BSND: variants seen among roughly 807,000 people sequenced by gnomAD.
BSND encodes the protein barttin CLCNK type accessory subunit beta.
Under a neutral mutation model 18.8 loss-of-function variants are expected in BSND, and 13 were observed. The observed-to-expected ratio is 0.69, with a 90% confidence interval of 0.45 to 1.10. The LOEUF is 1.10. Ranked by LOEUF, BSND falls within the 50% of genes least tolerant of loss-of-function variation. The pLI is 0.00. For missense variants in BSND, 379 were observed against 416.7 expected, an observed-to-expected ratio of 0.91 and a Z score of 0.79; for synonymous variants, 170 against 161.8, an observed-to-expected ratio of 1.05 and a Z score of -0.39.
chr1:55,007,096 C>T lies in BSND; in HGVS notation c.372C>T (p.Tyr124=). ...FSHIQMKVMS[Y]SEDHRSLLAP... ...ACATCCAGATGAAAGTCATGAGCTA[C>T]AGTGAGGACCACCGCTCCTTGCTGG... Residue 124 remains tyrosine (Y), a synonymous_variant, in exon 3 of 4, where the codon TAC becomes TAT. Coordinates refer to ENST00000651561, the MANE Select transcript of BSND (RefSeq NM_057176.3). The T allele has an allele frequency of 6.2e-7, 1 of 1,614,124 alleles. No homozygotes were observed. The highest frequency in any genetic ancestry group is 1.1e-5 in the South Asian group (1 of 91,076).
chr1:55,008,985 T>G lies in BSND; in HGVS notation c.*357T>G. On this transcript the variant is annotated 3_prime_UTR_variant, in exon 4 of 4. Coordinates refer to ENST00000651561, the MANE Select transcript of BSND (RefSeq NM_057176.3). The stretch of plus-strand genomic sequence containing the variant: ...GATCCTTTGTGAAGGCCAGTCAGGT[T>G]TCCCATTCCTATTGTGTCTTATAGT... 5.3e-6 allele frequency: 2 copies of G among 380,928 alleles called. No individual in the cohort carries two copies. The highest frequency in any genetic ancestry group is 2.2e-5 in the South Asian group (1 of 44,780). The allele number at this position is 380,928 out of a possible 1,614,324, so 23.6% of individuals were successfully genotyped here.
Position 55,014,570 on chromosome 1 carries a change from G to T in BSND, c.*5942G>T, listed in dbSNP as rs894675884. 1.9e-4 allele frequency among the ~76,000 whole-genome samples: 29 copies of T among 152,296 alleles called. No individual in the cohort carries two copies. The highest frequency in any genetic ancestry group is 5.5e-4 in the African/African-American group (23 of 41,568). ...TCAGGTGCCCATGTGCACCTGGGTC[G>T]TTCAAGCCTACAAGCACTGTGTCAT... is the stretch of plus-strand genomic sequence containing the variant. On this transcript the variant is annotated 3_prime_UTR_variant, in exon 4 of 4. Transcript: ENST00000651561.
Position 55,007,268 on chromosome 1 carries a change from C to T in BSND, c.544C>T (p.Pro182Ser). 2 of 1,602,352 alleles carry T rather than the reference C, an allele frequency of 1.2e-6. No homozygotes were observed. The highest frequency in any genetic ancestry group is 8.5e-7 in the Non-Finnish European group (1 of 1,172,236). Residue 182 changes from proline to serine, a missense_variant, in exon 3 of 4, where the codon CCC becomes TCC. By Grantham distance (74) the Pro-to-Ser change is moderately conservative. Transcript: ENST00000651561. ...GGAAAGACGCCTAACTCAGAGCTGG[C>T]CCGGGTGAGTGCTTAGAGGGCAGGA... is the stretch of plus-strand genomic sequence containing the variant. ...EGERRLTQSW[P>S]GPLACPQGPA...
chr1:55,007,327 G>A, intron 3 of BSND, 55 bp downstream of exon 3: 1 of 1,267,658 alleles, frequency 7.9e-7, no homozygotes, highest in Non-Finnish European at 1.1e-6. Flanking sequence ...GGTTAAAAAG[G>A]AGAGGAGTGG....
chr1:55,016,148 T>C lies in BSND; in HGVS notation c.*7520T>C, dbSNP rs147579524. ...GCTACAGTTTCCATGGAAGGAGGGC[T>C]TTGCAGTGCTGAGAGCTGCCCAAAG... On this transcript the variant is annotated 3_prime_UTR_variant, in exon 4 of 4. Coordinates refer to ENST00000651561, the MANE Select transcript of BSND (RefSeq NM_057176.3). Among the ~76,000 whole-genome samples the C allele has an allele frequency of 6.6e-6, 1 of 152,220 alleles. No homozygotes were observed. Among genetic ancestry groups the C allele is most frequent in the African/African-American group, 2.4e-5 (1 of 41,522 alleles).
intron 1 of BSND, among the ~76,000 whole-genome samples, chr1:55,003,180 G>A (rs1208157568): frequency 6.6e-6 from 1 of 151,220 alleles, no homozygotes; most frequent in African/African-American, 2.4e-5. Flanking sequence ...CATCCTTAAC[G>A]GGGGTGGAAG....
rs1301718857 is a variant in BSND at position 55,007,211 on chromosome 1, G to A, written c.487G>A (p.Val163Ile). ...DVQAWMEAAV[V>I]IHKGSDESEG... ...TCAGGCCTGGATGGAGGCTGCCGTG[G>A]TCATCCACAAGGGCTCAGACGAGAG... The change falls in exon 3 of 4, where the codon GTC (valine) becomes ATC (isoleucine). Residue 163 changes from valine (V) to isoleucine (I), a missense_variant. By Grantham distance (29) the Val-to-Ile change is conservative. Transcript: ENST00000651561. 1 of 1,613,948 alleles carries A rather than the reference G, an allele frequency of 6.2e-7. No homozygotes were observed. Among genetic ancestry groups the A allele is most frequent in the East Asian group, 2.2e-5 (1 of 44,880 alleles).
At chr1:54,999,518 C>CCCATCCATCCATCCATCCATCCAT (rs375479641) in intron 1 of BSND, among the ~76,000 whole-genome samples, 155 bp downstream of exon 1, 3 of 148,754 alleles carry the variant, frequency 2.0e-5, no homozygotes. Flanking sequence ...GAGCGTCTGT[C>CCCATCCATCCATCCATCCATCCAT]CCATCCATCC....
Position 55,012,531 on chromosome 1 carries a change from T to C in BSND, c.*3903T>C, listed in dbSNP as rs554727402. On this transcript the variant is annotated 3_prime_UTR_variant, in exon 4 of 4. Coordinates refer to ENST00000651561, the MANE Select transcript of BSND (RefSeq NM_057176.3). ...AGGATAATACCTCCCTCTTGGGCTT[T>C]TGTGGAGAAGAACTGGGTATAATGC... 3.3e-5 allele frequency among the ~76,000 whole-genome samples: 5 copies of C among 152,284 alleles called. No individual in the cohort carries two copies. Among genetic ancestry groups the C allele is most frequent in the Admixed American group, 3.3e-4 (5 of 15,298 alleles).
rs1300330444 is a variant in BSND, at chr1:55,013,359, C to T, written c.*4731C>T. 6.6e-6 allele frequency among the ~76,000 whole-genome samples: 1 copy of T among 152,094 alleles called. No homozygotes were observed. The highest frequency in any genetic ancestry group is 2.4e-5 in the African/African-American group (1 of 41,404). On this transcript the variant is annotated 3_prime_UTR_variant, in exon 4 of 4. Coordinates refer to ENST00000651561, the MANE Select transcript of BSND (RefSeq NM_057176.3). The stretch of plus-strand genomic sequence containing the variant: ...TGTATTTTTAATAGAGATGAGGTTT[C>T]ATCATGTTGGCCAGGCTGGTCTTGT...
At chr1:55,008,104 C>A (rs1644400637) in intron 3 of BSND, 110 bp from the exon 4 acceptor site, 2 of 863,694 alleles carry the variant, frequency 2.3e-6, no homozygotes, top group Non-Finnish European at 3.7e-6. Context: ...GAAACTGAGG[C>A]CCGGGAAGGT....
intron 3 of BSND, 25 bp from the exon 4 acceptor site, chr1:55,008,189 G>A (rs1644401185): frequency 1.2e-6 from 2 of 1,603,136 alleles, no homozygotes; most frequent in Non-Finnish European, 8.5e-7. Flanking sequence ...AGATACCCTT[G>A]CCCTTGTGGT....
At chr1:55,001,550 C>T (rs1452536889) in intron 1 of BSND, among the ~76,000 whole-genome samples, 1 of 152,156 alleles carries the variant, frequency 6.6e-6, no homozygotes, top group Non-Finnish European at 1.5e-5. Context: ...TCAGCCTCCT[C>T]CCCGTGGCTC....
chr1:55,015,654 T>G lies in BSND; in HGVS notation c.*7026T>G, dbSNP rs1388209511. On this transcript the variant is annotated 3_prime_UTR_variant, in exon 4 of 4. Coordinates refer to ENST00000651561, the MANE Select transcript of BSND (RefSeq NM_057176.3). ...TTCATTTGTTCACTTATTCATTTATTCTAACCACAAACACTATGCACCTGC... is the reference window on the plus strand; with the variant it reads ...TTCATTTGTTCACTTATTCATTTATGCTAACCACAAACACTATGCACCTGC... Among the ~76,000 whole-genome samples, 1 of 152,292 alleles carries G rather than the reference T, an allele frequency of 6.6e-6. No homozygotes were observed. Among genetic ancestry groups the G allele is most frequent in the East Asian group, 1.9e-4 (1 of 5,176 alleles).
chr1:54,999,826 C>T (rs1235888037), intron 1 of BSND, among the ~76,000 whole-genome samples: 1 of 152,180 alleles, frequency 6.6e-6, no homozygotes, highest in African/African-American at 2.4e-5. Context: ...AGCTCAGATG[C>T]GTGTGACTTA....
intron 1 of BSND, among the ~76,000 whole-genome samples, chr1:55,004,529 T>C (rs1447026800): frequency 1.3e-5 from 2 of 152,250 alleles, no homozygotes; most frequent in Non-Finnish European, 2.9e-5. Flanking sequence ...AGAGACCTCT[T>C]GATTCCTGAA....
chr1:55,016,420 A>G lies in BSND; in HGVS notation c.*7792A>G, dbSNP rs181389348. ...TGGCATCATTTTGTAAAGATGATGT[A>G]ATAAAGATAATAATAGGTGGAGCTG... On this transcript the variant is annotated 3_prime_UTR_variant, in exon 4 of 4. Coordinates refer to ENST00000651561, the MANE Select transcript of BSND (RefSeq NM_057176.3). Among the ~76,000 whole-genome samples the G allele has an allele frequency of 2.1e-3, 318 of 152,358 alleles. No individual in the cohort carries two copies. The highest frequency in any genetic ancestry group is 7.3e-3 in the African/African-American group (302 of 41,582).
rs192577434 is a variant in BSND at position 55,010,330 on chromosome 1, G to C, written c.*1702G>C. ...TCAAGCTGTCTTTGCAGCCCCTGAA[G>C]ACATCACTGTACCCTATTGAACCAT... On this transcript the variant is annotated 3_prime_UTR_variant, in exon 4 of 4. Transcript: ENST00000651561. 1 of 152,394 alleles carries C rather than the reference G, an allele frequency of 6.6e-6. No homozygotes were observed. Among genetic ancestry groups the C allele is most frequent in the East Asian group, 1.9e-4 (1 of 5,182 alleles). 9.4% of individuals were successfully genotyped at this position (152,394 alleles called of 1,614,324 possible).
rs1195418283 is a variant in BSND at position 55,015,144 on chromosome 1, T to C, written c.*6516T>C. ...AACATTCAGGTCATATACTAACAGA[T>C]ACAAAAGGGAAAGGTGGCACGTATT... On this transcript the variant is annotated 3_prime_UTR_variant, in exon 4 of 4. Coordinates refer to ENST00000651561, the MANE Select transcript of BSND (RefSeq NM_057176.3). 1.3e-5 allele frequency among the ~76,000 whole-genome samples: 2 copies of C among 152,132 alleles called. No individual in the cohort carries two copies. Among genetic ancestry groups the C allele is most frequent in the African/African-American group, 4.8e-5 (2 of 41,420 alleles).
Sources: allele counts gnomAD v4.1 joint callset (sites outside exome capture counted in the v4.1 genomes callset), GRCh38; gene constraint gnomAD v4.1.1; transcripts MANE v1.5; gene names NCBI Gene and HGNC (gene_info 2026-07-23, HGNC 2026-07-21).